The following RYR2 variants were observed in gnomAD, a reference collection of about 807,000 sequenced individuals.
RYR2 encodes the protein ryanodine receptor 2.
A neutral mutation model predicts 601.1 loss-of-function variants in RYR2; 227 were observed. The ratio of observed to expected loss-of-function variants is 0.38; its 90% CI spans 0.34 to 0.42. The LOEUF (loss-of-function observed/expected upper bound fraction) is 0.42, where lower values mean the gene tolerates loss of function less well. Ranked by LOEUF, RYR2 falls within the 10% of genes least tolerant of loss-of-function variation. The pLI is 1.00. For synonymous variants in RYR2, 2,223 were observed against 2,175.1 expected, an observed-to-expected ratio of 1.02 and a Z score of -0.61; for missense variants, 4,646 against 6,156.5, an observed-to-expected ratio of 0.75 and a Z score of 8.21.
Position 237,270,615 on chromosome 1 carries a change from AG to A in RYR2, c.168+1del. On this transcript the variant is annotated frameshift_variant and splice_region_variant, in exon 2 of 105. Coordinates refer to ENST00000366574, the MANE Select transcript of RYR2 (RefSeq NM_001035.3). LOFTEE classifies it high-confidence loss of function. Reference protein sequence around the residue: ...LCFLESTSNSKNVPPDLSICT... With the variant: ...LCFLESTSNSXNVPPDLSICT... The stretch of plus-strand genomic sequence containing the variant: ...TTCTTGGAGTCCACTTCCAATTCCA[AG>A]GTGGGATGAAGTCTTTCAAGGCTAT... The A allele has an allele frequency of 6.3e-7, 1 of 1,576,826 alleles. No individual in the cohort carries two copies.
At chr1:237,787,510 T>G (rs567235820) in intron 91 of RYR2, among the ~76,000 whole-genome samples, 187 of 149,756 alleles carry the variant, frequency 1.2e-3, no homozygotes, top group Non-Finnish European at 2.2e-3. Context: ...GAGAATCACT[T>G]GAACCCGGGA....
intron 63 of RYR2, among the ~76,000 whole-genome samples, chr1:237,695,474 A>G (rs1687338054): frequency 6.6e-6 from 1 of 152,146 alleles, no homozygotes; most frequent in Non-Finnish European, 1.5e-5. Context: ...AAAAGTATCA[A>G]TCTTTTGGTT....
intron 32 of RYR2, among the ~76,000 whole-genome samples, chr1:237,592,698 A>T (rs1675350765): frequency 6.6e-6 from 1 of 151,564 alleles, no homozygotes. Context: ...GGCCAAGAAC[A>T]TGCAAAAAAG....
chr1:237,123,652 T>C (rs79668158), intron 1 of RYR2, among the ~76,000 whole-genome samples: 2 of 47,244 alleles, frequency 4.2e-5, no homozygotes, highest in Non-Finnish European at 1.0e-4. Flanking sequence ...CAGTCACTAT[T>C]TTTTTTTTTT....
intron 63 of RYR2, among the ~76,000 whole-genome samples, chr1:237,697,989 G>A (rs1463278004): frequency 2.0e-5 from 3 of 152,070 alleles, no homozygotes; most frequent in African/African-American, 7.2e-5. Flanking sequence ...TAATTTCAGT[G>A]TGTACTTAGG....
chr1:237,231,053 G>C (rs1342937613), intron 1 of RYR2, among the ~76,000 whole-genome samples: 1 of 152,082 alleles, frequency 6.6e-6, no homozygotes, highest in Non-Finnish European at 1.5e-5. Flanking sequence ...CATGGAGTGA[G>C]GATTATGAGA....
At chr1:237,274,501 G>A (rs895448566) in intron 2 of RYR2, among the ~76,000 whole-genome samples, 3 of 152,032 alleles carry the variant, frequency 2.0e-5, no homozygotes, top group African/African-American at 7.2e-5. Context: ...TTTAAGCTAA[G>A]TGTTATTACA....
intron 1 of RYR2, among the ~76,000 whole-genome samples, chr1:237,130,006 A>G (rs1671977882): frequency 6.6e-6 from 1 of 152,160 alleles, no homozygotes; most frequent in Admixed American, 6.5e-5. Context: ...GATAGTATGA[A>G]TAAGTTGTGA....
At chr1:237,253,348 C>T (rs1269262982) in intron 1 of RYR2, among the ~76,000 whole-genome samples, 2 of 152,162 alleles carry the variant, frequency 1.3e-5, no homozygotes, top group Non-Finnish European at 2.9e-5. Context: ...ACTTCAGAAC[C>T]TGGTTCTGAT....
chr1:237,683,119 A>G (rs1429391940), intron 62 of RYR2, among the ~76,000 whole-genome samples: 2 of 152,244 alleles, frequency 1.3e-5, no homozygotes, highest in African/African-American at 2.4e-5. Context: ...TTGGTAGGGT[A>G]TAAACTCAAT....
chr1:237,253,453 C>T (rs557320695), intron 1 of RYR2, among the ~76,000 whole-genome samples: 1 of 152,282 alleles, frequency 6.6e-6, no homozygotes, highest in African/African-American at 2.4e-5. Context: ...TTACGTTTTC[C>T]ATCCATTATA....
At chr1:237,512,831 A>G (rs1205901107) in intron 24 of RYR2, among the ~76,000 whole-genome samples, 1 of 152,194 alleles carries the variant, frequency 6.6e-6, no homozygotes, top group Non-Finnish European at 1.5e-5. Context: ...TGATCACGCC[A>G]CTGCACTCCA....
rs549391742 is a variant in RYR2 at position 237,111,303 on chromosome 1, C to A, written c.48+68734C>A. On this transcript the variant is annotated intron_variant, in intron 1 of 104. Coordinates refer to ENST00000366574, the MANE Select transcript of RYR2 (RefSeq NM_001035.3). Reference sequence around the variant, plus strand: ...TGGAGAAGAGGAAATGATTATAATTCATTCCTTTCCCCTCCCTGCCAATTT... The same window carrying A: ...TGGAGAAGAGGAAATGATTATAATTAATTCCTTTCCCCTCCCTGCCAATTT... Among the ~76,000 whole-genome samples the A allele has an allele frequency of 2.0e-5, 3 of 152,286 alleles. No individual in the cohort carries two copies. The South Asian group carries it at 6.2e-4, about 32-fold the overall frequency.
At chr1:237,658,065 G>T in intron 54 of RYR2, 43 bp downstream of exon 54, 1 of 1,104,436 alleles carries the variant, frequency 9.1e-7, no homozygotes, top group South Asian at 1.9e-5. Context: ...CATTATTAAT[G>T]ACTGGTCACT....
intron 1 of RYR2, among the ~76,000 whole-genome samples, chr1:237,084,019 C>A (rs1469163245): frequency 1.3e-5 from 2 of 152,152 alleles, no homozygotes; most frequent in East Asian, 3.9e-4. Flanking sequence ...TTATGACCCA[C>A]CTCTGTTCTC....
In RYR2 at chr1:237,727,203, G is replaced by A. The variant is rs776923037; in HGVS notation, c.10838+4G>A. 64 of 1,413,554 alleles carry A rather than the reference G, an allele frequency of 4.5e-5. 1 individual carries two copies. The highest frequency in any genetic ancestry group is 1.8e-4 in the Middle Eastern group (1 of 5,490). The allele number at this position is 1,413,554 out of a possible 1,614,324, so 87.6% of individuals were successfully genotyped here. A position where few individuals can be genotyped will look rare whatever the true frequency, so the allele number is the denominator to read the frequency against. On this transcript the variant is annotated splice_donor_region_variant and intron_variant, in intron 76 of 104. Coordinates refer to ENST00000366574, the MANE Select transcript of RYR2 (RefSeq NM_001035.3). ...CCCCCTTATATAATCTGCCAAGGTC[G>A]GAATTACTTTATTTTTTGTAATAGA... is the stretch of plus-strand genomic sequence containing the variant.
intron 8 of RYR2, among the ~76,000 whole-genome samples, chr1:237,379,183 C>T (rs918817234): frequency 1.1e-4 from 17 of 152,116 alleles, no homozygotes; most frequent in African/African-American, 3.6e-4. Flanking sequence ...TATACACATA[C>T]TTTATTTAGA....
intron 16 of RYR2, among the ~76,000 whole-genome samples, chr1:237,462,658 A>G (rs1319190116): frequency 6.6e-6 from 1 of 152,326 alleles, no homozygotes; most frequent in African/African-American, 2.4e-5. Context: ...AGACTTGGAA[A>G]GAATACAGCC....
chr1:237,317,567 C>T (rs1423842541), intron 2 of RYR2, among the ~76,000 whole-genome samples: 1 of 151,978 alleles, frequency 6.6e-6, no homozygotes, highest in African/African-American at 2.4e-5. Flanking sequence ...TTTATTAGGG[C>T]CAGTAGTTTT....
Sources: allele counts gnomAD v4.1 joint callset (sites outside exome capture counted in the v4.1 genomes callset), GRCh38; gene constraint gnomAD v4.1.1; transcripts MANE v1.5; gene names NCBI Gene and HGNC (gene_info 2026-07-23, HGNC 2026-07-21).